Variants in PRPF8 observed in about 807,000 individuals in gnomAD.
The protein encoded by PRPF8 is pre-mRNA-processing-splicing factor 8.
In PRPF8, 64 loss-of-function variants were observed where a neutral mutation model predicts 285.9. The ratio of observed to expected loss-of-function variants is 0.22; its 90% confidence interval spans 0.18 to 0.28. PRPF8 has a LOEUF of 0.28. Ranked by LOEUF, PRPF8 falls within the 10% of genes least tolerant of loss-of-function variation. PRPF8 has a pLI of 1.00. For missense variants in PRPF8, 1,426 were observed against 3,026.7 expected (o/e 0.47, Z 12.41); for synonymous variants, 1,325 against 1,118.2 (o/e 1.18, Z -3.69).
chr17:1,653,407 T>G lies in PRPF8; in HGVS notation c.6369+135A>C. On this transcript the variant is annotated intron_variant, in intron 39 of 42. Coordinates refer to ENST00000304992, the MANE Select transcript of PRPF8 (RefSeq NM_006445.4). This position sits in a 1 kb window ranked among gnomAD's most constrained non-coding sequence, Gnocchi z 4.9. Reference sequence around the variant, plus strand: ...TGGGGCCAAAACCCACCTCGTTGTTTTGGCTATCCTTGTATAATTACTCAT... The same window carrying G: ...TGGGGCCAAAACCCACCTCGTTGTTGTGGCTATCCTTGTATAATTACTCAT... 7.8e-7 allele frequency: 1 copy of G among 1,276,338 alleles called. No homozygotes were observed. Among genetic ancestry groups the G allele is most frequent in the Non-Finnish European group, 1.1e-6 (1 of 892,978 alleles). The allele number at this position is 1,276,338 out of a possible 1,614,324, so 79.1% of individuals were successfully genotyped here.
chr17:1,683,727 C>G (rs1381110917), intron 2 of PRPF8, 26 bp from the exon 3 acceptor site: 1 of 1,612,798 alleles, frequency 6.2e-7, no homozygotes, highest in Non-Finnish European at 8.5e-7. Context: ...AGTTTAAAGG[C>G]CTGCACACCC....
intron 21 of PRPF8, 131 bp from the exon 22 acceptor site, chr17:1,674,023 AT>A: frequency 1.0e-6 from 1 of 992,496 alleles, no homozygotes; most frequent in Non-Finnish European, 1.5e-6. Flanking sequence ...ATTCCATTTT[AT>A]TTTTATTTAT....
At chr17:1,662,190 G>A (rs750999851) in intron 24 of PRPF8, 37 bp from the exon 25 acceptor site, 2 of 1,612,872 alleles carry the variant, frequency 1.2e-6, no homozygotes, top group Non-Finnish European at 8.5e-7. Context: ...TTACAGATGA[G>A]CCAGGGGCGG....
chr17:1,659,569 A>C lies in PRPF8; in HGVS notation c.4947-21T>G, dbSNP rs1305093735. On this transcript the variant is annotated intron_variant, in intron 31 of 42. Coordinates refer to ENST00000304992, the MANE Select transcript of PRPF8 (RefSeq NM_006445.4). This position sits in a 1 kb window ranked among gnomAD's most constrained non-coding sequence, Gnocchi z 5.1. ...CATCCCTGAGGATGAAGAGGGTTCA[A>C]GCTTCTAAGAAACCATGGGCATAAC... 6.2e-7 allele frequency: 1 copy of C among 1,610,812 alleles called. No individual in the cohort carries two copies. Among genetic ancestry groups the C allele is most frequent in the Non-Finnish European group, 8.5e-7 (1 of 1,179,844 alleles).
Position 1,673,726 on chromosome 17 carries a change from C to G in PRPF8, c.3446+20G>C, listed in dbSNP as rs202131357. On this transcript the variant is annotated intron_variant, in intron 22 of 42. Coordinates refer to ENST00000304992, the MANE Select transcript of PRPF8 (RefSeq NM_006445.4). This position sits in a 1 kb window ranked among gnomAD's most constrained non-coding sequence, Gnocchi z 5.5. ...TTAGCTTATGTCCTTCCAGCTCACA[C>G]AGCCCCAACCTAGACTCACAAGTTA... is the stretch of plus-strand genomic sequence containing the variant. 6.2e-7 allele frequency: 1 copy of G among 1,613,862 alleles called. No individual in the cohort carries two copies. Among genetic ancestry groups the G allele is most frequent in the African/African-American group, 1.3e-5 (1 of 75,040 alleles).
rs1475847700 is a variant in PRPF8 at position 1,661,261 on chromosome 17, C to T, written c.4338+10G>A. 8 of 1,614,068 alleles carry T rather than the reference C, an allele frequency of 5.0e-6. No homozygotes were observed. Among genetic ancestry groups the T allele is most frequent in the Non-Finnish European group, 6.8e-6 (8 of 1,180,052 alleles). ...TCCTGACTCAGGGAAAATCTGCTCC[C>T]TCTACATACCTGATACTGCTTAAAG... On this transcript the variant is annotated intron_variant, in intron 27 of 42. Transcript: ENST00000304992. The surrounding 1 kb of genome is among the most constrained non-coding windows in gnomAD (Gnocchi z 7.3).
chr17:1,671,712 G>A (rs111263099), intron 24 of PRPF8, among the ~76,000 whole-genome samples: 2 of 152,000 alleles, frequency 1.3e-5, no homozygotes, highest in South Asian at 4.1e-4. Context: ...TTAGCCGGGC[G>A]TGGTGGCAGG....
At position 1,651,626 on chromosome 17, in the gene PRPF8, A is replaced by C. The variant is rs370367365; in HGVS notation, c.6510+22T>G. The stretch of plus-strand genomic sequence containing the variant: ...ATCGCACCAGCTTTTCCACACTCCC[A>C]GGCTCCATCACTCCCCATTACCTTG... On this transcript the variant is annotated intron_variant, in intron 40 of 42. Coordinates refer to ENST00000304992, the MANE Select transcript of PRPF8 (RefSeq NM_006445.4). This position sits in a 1 kb window ranked among gnomAD's most constrained non-coding sequence, Gnocchi z 5.1. 1.3e-5 allele frequency: 21 copies of C among 1,613,984 alleles called. No individual in the cohort carries two copies. In the African/African-American group the frequency reaches 2.8e-4, roughly 22 times the overall value.
rs16951135 is a variant in PRPF8, at chr17:1,677,707, G to A, written c.1855-13C>T. The stretch of plus-strand genomic sequence containing the variant: ...TCCCTACAGGGCCCTACGATCCCAA[G>A]CAGAAGTTAAGAATACAAGTTAGCA... On this transcript the variant is annotated splice_polypyrimidine_tract_variant and intron_variant, in intron 13 of 42. Transcript: ENST00000304992. The A allele has an allele frequency of 2.4e-3, 3,888 of 1,613,640 alleles. 77 individuals carry two copies. In the African/African-American group the frequency reaches 0.046, roughly 19 times the overall value.
intron 24 of PRPF8, among the ~76,000 whole-genome samples, chr17:1,670,747 A>G (rs192415423): frequency 2.0e-5 from 3 of 152,244 alleles, no homozygotes; most frequent in Non-Finnish European, 2.9e-5. Context: ...TGGGCCTCCC[A>G]AAGTGCTGGG....
rs1652084338 is a variant in PRPF8 at position 1,683,621 on chromosome 17, T to C, written c.181A>G (p.Met61Val). The C allele has an allele frequency of 6.2e-7, 1 of 1,614,214 alleles. No individual in the cohort carries two copies. Among genetic ancestry groups the C allele is most frequent in the Non-Finnish European group, 8.5e-7 (1 of 1,180,042 alleles). ...FGFVDAQKEDMPPEHVRKIIR... is the reference protein window; with the variant it reads ...FGFVDAQKEDVPPEHVRKIIR... ...ATCTTCCTGACATGTTCTGGGGGCATGTCTTCCTTCTGGGCATCCACAAAC... is the reference window on the plus strand; with the variant it reads ...ATCTTCCTGACATGTTCTGGGGGCACGTCTTCCTTCTGGGCATCCACAAAC... The change falls in exon 3 of 43, where the codon ATG (methionine) becomes GTG (valine). Residue 61 changes from methionine (M) to valine (V), a missense_variant. By Grantham distance (21) the Met-to-Val change is conservative (BLOSUM62 1). Transcript: ENST00000304992.
intron 2 of PRPF8, 61 bp downstream of exon 2, chr17:1,684,411 C>G: frequency 6.4e-7 from 1 of 1,572,320 alleles, no homozygotes; most frequent in Non-Finnish European, 8.7e-7. Flanking sequence ...CCCCACCCGC[C>G]TGCGCGCGCG....
chr17:1,677,438 T>G, intron 14 of PRPF8, 127 bp downstream of exon 14: 1 of 1,415,892 alleles, frequency 7.1e-7, no homozygotes. Context: ...CAGACTCATT[T>G]CAGAACTGGA....
At chr17:1,652,169 G>GAA (rs1225750972) in intron 39 of PRPF8, 10 of 367,014 alleles carry the variant, frequency 2.7e-5, no homozygotes, top group Non-Finnish European at 5.2e-5. Flanking sequence ...AAGAAAGAAA[G>GAA]AGGATCTGTT....
At position 1,679,648 on chromosome 17, in the gene PRPF8, C is replaced by G; in HGVS notation, c.1250G>C (p.Arg417Pro). ...GGGTATGTCCAGGGCCCGACGGGTG[C>G]GACCAGAGCGTAGGTTGAAGGGCCG... ...APRPFNLRSG[R>P]TRRALDIPLV... is the part of the protein sequence containing the mutation. The change falls in exon 9 of 43, where the codon CGC (arginine) becomes CCC (proline). Residue 417 changes from arginine (R) to proline (P), a missense_variant. Arg to Pro is a moderately radical substitution (Grantham distance 103). Around this residue, in one of 34 missense-constraint regions of PRPF8, gnomAD observed 137 missense variants for 161.2 expected, o/e 0.85. Transcript: ENST00000304992. The surrounding 1 kb of genome is among the most constrained non-coding windows in gnomAD (Gnocchi z 4.7). 1 of 1,614,000 alleles carries G rather than the reference C, an allele frequency of 6.2e-7. No homozygotes were observed. The highest frequency in any genetic ancestry group is 8.5e-7 in the Non-Finnish European group (1 of 1,180,022).
At chr17:1,683,262 T>C (rs1913037299) in intron 3 of PRPF8, 1 of 477,298 alleles carries the variant, frequency 2.1e-6, no homozygotes, top group Admixed American at 3.3e-5. Flanking sequence ...CCCAAAGTGC[T>C]GGGATTACAG....
chr17:1,673,259 T>G lies in PRPF8; in HGVS notation c.3658-62A>C. On this transcript the variant is annotated intron_variant, in intron 23 of 42. Coordinates refer to ENST00000304992, the MANE Select transcript of PRPF8 (RefSeq NM_006445.4). The surrounding 1 kb of genome is among the most constrained non-coding windows in gnomAD (Gnocchi z 5.5). The stretch of plus-strand genomic sequence containing the variant: ...CTCCCACAGAAGCAAGAGCCAACTG[T>G]GCCCACCACTCAAGTCTTTCCACCC... 10 of 1,605,826 alleles carry G rather than the reference T, an allele frequency of 6.2e-6. No homozygotes were observed. Among genetic ancestry groups the G allele is most frequent in the Non-Finnish European group, 8.5e-6 (10 of 1,172,786 alleles).
At chr17:1,680,065 G>C (rs542735177) in intron 8 of PRPF8, among the ~76,000 whole-genome samples, 6 of 152,124 alleles carry the variant, frequency 3.9e-5, no homozygotes, top group Admixed American at 3.9e-4. Context: ...CATCACAGGA[G>C]GTCAACATTG....
chr17:1,677,771 G>T, intron 13 of PRPF8, 77 bp from the exon 14 acceptor site: 1 of 1,576,318 alleles, frequency 6.3e-7, no homozygotes, highest in South Asian at 1.1e-5. Context: ...GCAGAGGTGG[G>T]GCATATATGT....
Sources: gnomAD v4.1 joint callset for allele counts (sites outside exome capture counted in the v4.1 genomes callset) on GRCh38, gnomAD v4.1.1 for gene constraint, gnomAD v4.1.1 regional missense constraint, Gnocchi (gnomAD v3.1) non-coding constraint, MANE v1.5 for transcripts, NCBI Gene and HGNC (gene_info 2026-07-23, HGNC 2026-07-21) for gene names.